Variants in AK5 observed in about 807,000 individuals in gnomAD.
AK5 encodes adenylate kinase isoenzyme 5.
AK5 carries 27 observed loss-of-function variants against 69.5 expected under a neutral mutation model. The observed-to-expected ratio is 0.39, with a 90% confidence interval of 0.29 to 0.54. AK5 has a LOEUF of 0.54. AK5 is among the 20% of genes least tolerant of loss of function. The pLI, the probability that AK5 is intolerant of heterozygous loss-of-function variation, is 0.71. For missense variants in AK5, 531 were observed against 700.4 expected (o/e 0.76, Z 2.73); for synonymous variants, 260 against 244.4 (o/e 1.06, Z -0.60).
intron 3 of AK5, 53 bp from the exon 4 acceptor site, chr1:77,297,506 G>A: frequency 6.7e-7 from 1 of 1,495,010 alleles, no homozygotes; most frequent in Non-Finnish European, 9.0e-7. Context: ...TTGTATAAAA[G>A]GGAGGTCCTT....
At position 77,536,762 on chromosome 1, in the gene AK5, C is replaced by G. The variant is rs528831717; in HGVS notation, c.1620+724C>G. ...ACTTTGAATTTCTATAATTTTACAT[C>G]GTTCACAATTGGCTCTTGGCTCCTT... On this transcript the variant is annotated intron_variant, in intron 13 of 13. Transcript: ENST00000354567. 3.3e-5 allele frequency among the ~76,000 whole-genome samples: 5 copies of G among 152,290 alleles called. No individual in the cohort carries two copies. The South Asian group carries it at 1.0e-3, about 32-fold the overall frequency.
intron 10 of AK5, among the ~76,000 whole-genome samples, chr1:77,488,137 G>A (rs1420557680): frequency 6.6e-6 from 1 of 152,152 alleles, no homozygotes; most frequent in Non-Finnish European, 1.5e-5. Context: ...TATGTGTCAA[G>A]CAGTGGGAAT....
chr1:77,473,733 A>G (rs2647503), intron 8 of AK5, among the ~76,000 whole-genome samples: 80,581 of 152,090 alleles, frequency 0.53, 21,639 homozygotes, highest in Middle Eastern at 0.68. Flanking sequence ...AAGATAAAAG[A>G]CAGCCCCATC....
chr1:77,486,013 C>G (rs2100727712), intron 9 of AK5, among the ~76,000 whole-genome samples: 1 of 152,052 alleles, frequency 6.6e-6, no homozygotes, highest in South Asian at 2.1e-4. Context: ...TATCCAGGAG[C>G]CTGAGACAGG....
intron 6 of AK5, among the ~76,000 whole-genome samples, chr1:77,378,994 C>T (rs1407509156): frequency 6.6e-6 from 1 of 152,166 alleles, no homozygotes; most frequent in Non-Finnish European, 1.5e-5. Context: ...CCACAGCAGG[C>T]ACAAGAGACA....
intron 2 of AK5, among the ~76,000 whole-genome samples, chr1:77,290,074 T>A (rs532393213): frequency 6.6e-6 from 1 of 152,322 alleles, no homozygotes; most frequent in South Asian, 2.1e-4. Flanking sequence ...CCATACCTAC[T>A]GATACTTTAC....
chr1:77,324,359 C>T (rs1437576207), intron 5 of AK5, among the ~76,000 whole-genome samples: 1 of 149,450 alleles, frequency 6.7e-6, no homozygotes, highest in Non-Finnish European at 1.5e-5. Flanking sequence ...GTGTGTCTTA[C>T]TCATGGCTAT....
intron 11 of AK5, among the ~76,000 whole-genome samples, chr1:77,520,221 A>G (rs1051559127): frequency 1.2e-4 from 18 of 146,356 alleles, no homozygotes; most frequent in African/African-American, 4.3e-4. Flanking sequence ...AAAAAAAAAA[A>G]GAGAATACCT....
At chr1:77,504,105 G>A (rs1656887416) in intron 10 of AK5, among the ~76,000 whole-genome samples, 1 of 152,204 alleles carries the variant, frequency 6.6e-6, no homozygotes, top group Middle Eastern at 3.4e-3. Flanking sequence ...AGAGCAGAGT[G>A]CTATCTTCTT....
At chr1:77,431,529 CT>C (rs1651637702) in intron 8 of AK5, among the ~76,000 whole-genome samples, 1 of 152,110 alleles carries the variant, frequency 6.6e-6, no homozygotes, top group Non-Finnish European at 1.5e-5. Context: ...GCTGAGGATT[CT>C]AAGCAGTTTA....
chr1:77,531,999 C>CGGCCGGCA (rs1447420775), intron 12 of AK5: 1 of 139,334 alleles, frequency 7.2e-6, no homozygotes, highest in Non-Finnish European at 1.7e-5. Context: ...TCCGGCCGGC[C>CGGCCGGCA]GGCCGGCCGC....
At chr1:77,498,195 A>G (rs967080535) in intron 10 of AK5, among the ~76,000 whole-genome samples, 1 of 152,194 alleles carries the variant, frequency 6.6e-6, no homozygotes, top group Non-Finnish European at 1.5e-5. Context: ...AAGGTTCACT[A>G]AAGTATAATG....
intron 13 of AK5, 60 bp from the exon 14 acceptor site, chr1:77,558,542 T>C: frequency 2.7e-6 from 3 of 1,116,242 alleles, no homozygotes; most frequent in Non-Finnish European, 4.0e-6. Context: ...TGTTCTTTCA[T>C]TATTAAACAT....
intron 6 of AK5, among the ~76,000 whole-genome samples, chr1:77,354,968 T>C (rs2815336): frequency 0.96 from 146,229 of 152,318 alleles, 70,490 homozygotes; most frequent in East Asian, 1. Flanking sequence ...TATTCTGAAA[T>C]TTATGCTTAA....
intron 1 of AK5, chr1:77,283,599 TC>T: frequency 1.0e-6 from 1 of 985,460 alleles, no homozygotes; most frequent in Non-Finnish European, 1.2e-6. Flanking sequence ...TCATCTGAAG[TC>T]AAGATTTCCA....
chr1:77,404,555 A>T (rs535397150), intron 6 of AK5, among the ~76,000 whole-genome samples: 1 of 152,338 alleles, frequency 6.6e-6, no homozygotes, highest in East Asian at 1.9e-4. Context: ...CAATTATGAT[A>T]ATATTCAATC....
chr1:77,375,672 C>A (rs1387985200), intron 6 of AK5, among the ~76,000 whole-genome samples: 1 of 152,172 alleles, frequency 6.6e-6, no homozygotes, highest in Non-Finnish European at 1.5e-5. Context: ...AGCTGGGAAA[C>A]TGAATCATCT....
At chr1:77,413,150 A>G (rs1570527561) in intron 7 of AK5, among the ~76,000 whole-genome samples, 1 of 152,060 alleles carries the variant, frequency 6.6e-6, no homozygotes, top group Non-Finnish European at 1.5e-5. Flanking sequence ...TGGTCCTGTT[A>G]CTGCCATAAC....
Position 77,414,241 on chromosome 1 carries a change from C to T in AK5, c.982+3170C>T, listed in dbSNP as rs78618293. On this transcript the variant is annotated intron_variant, in intron 7 of 13. Transcript: ENST00000354567. ...AATTTTCGTTAAAATTAAACTGTAACGAAACTGTTAATGAAAATAAAACTG... is the reference window on the plus strand; with the variant it reads ...AATTTTCGTTAAAATTAAACTGTAATGAAACTGTTAATGAAAATAAAACTG... Among the ~76,000 whole-genome samples, 878 of 152,162 alleles carry T rather than the reference C, an allele frequency of 5.8e-3. 10 individuals carry two copies. The highest frequency in any genetic ancestry group is 0.02 in the African/African-American group (811 of 41,516).
Sources: allele counts gnomAD v4.1 joint callset (sites outside exome capture counted in the v4.1 genomes callset), GRCh38; gene constraint gnomAD v4.1.1; transcripts MANE v1.5; gene names NCBI Gene and HGNC (gene_info 2026-07-23, HGNC 2026-07-21).